The following ANO3 variants were observed in gnomAD, a reference collection of about 807,000 sequenced individuals.
The protein encoded by ANO3 is anoctamin-3.
Under a neutral mutation model 144.8 loss-of-function variants are expected in ANO3, and 99 were observed. The observed-to-expected ratio is 0.68, with a 90% confidence interval of 0.58 to 0.81. The LOEUF is 0.81. Among genes scored for constraint, ANO3 ranks in the 30% least tolerant of loss-of-function variants. The pLI, the probability that ANO3 is intolerant of heterozygous loss-of-function variation, is 0.00. For missense variants in ANO3, 905 were observed against 1,202.2 expected, an observed-to-expected ratio of 0.75 and a Z score of 3.66; for synonymous variants, 414 against 392.6, an observed-to-expected ratio of 1.05 and a Z score of -0.64.
intron 1 of ANO3, among the ~76,000 whole-genome samples, chr11:26,255,185 G>A (rs1262292480): frequency 2.6e-5 from 4 of 152,138 alleles, no homozygotes; most frequent in South Asian, 2.1e-4. Context: ...TACAATTAGA[G>A]TAAATGTGTT....
chr11:26,646,109 T>C (rs567226070), intron 23 of ANO3, among the ~76,000 whole-genome samples: 1 of 152,300 alleles, frequency 6.6e-6, no homozygotes, highest in Non-Finnish European at 1.5e-5. Flanking sequence ...CATTTATCCT[T>C]TGCCATTGTT....
At chr11:26,657,957 A>G (rs1033860598) in intron 26 of ANO3, among the ~76,000 whole-genome samples, 2 of 152,058 alleles carry the variant, frequency 1.3e-5, no homozygotes, top group African/African-American at 4.8e-5. Context: ...CCATGCAGGA[A>G]CTTTTTAGCT....
At chr11:26,315,196 T>C (rs979091078) in intron 1 of ANO3, among the ~76,000 whole-genome samples, 1 of 152,164 alleles carries the variant, frequency 6.6e-6, no homozygotes, top group African/African-American at 2.4e-5. Context: ...AATATCTGTG[T>C]ATTACCTATT....
At chr11:26,541,885 C>T (rs1590492354) in intron 10 of ANO3, 62 bp from the exon 11 acceptor site, 9 of 1,497,900 alleles carry the variant, frequency 6.0e-6, no homozygotes, top group Non-Finnish European at 8.2e-6. Flanking sequence ...AAATACAGTT[C>T]TTACTCAGTT....
rs1849664646 is a variant in ANO3, at chr11:26,542,198, C to T, written c.1154+130C>T. 6.1e-6 allele frequency: 6 copies of T among 990,266 alleles called. No homozygotes were observed. In the Admixed American group the frequency reaches 1.7e-4, roughly 28 times the overall value. The allele number at this position is 990,266 out of a possible 1,614,324, so 61.3% of individuals were successfully genotyped here. ...AAAAAGCAACCACTATAAGATTTTT[C>T]AGTAAAAGAATCTCACTGTAGGTAA... On this transcript the variant is annotated intron_variant, in intron 11 of 26. Coordinates refer to ENST00000256737, the MANE Select transcript of ANO3 (RefSeq NM_031418.4).
At chr11:26,286,611 A>T (rs1410621383) in intron 1 of ANO3, among the ~76,000 whole-genome samples, 3 of 152,196 alleles carry the variant, frequency 2.0e-5, no homozygotes, top group Admixed American at 6.5e-5. Context: ...ACAAGTTAAG[A>T]TTCAGTAGGT....
At chr11:26,250,939 C>T (rs1191152193) in intron 1 of ANO3, among the ~76,000 whole-genome samples, 1 of 152,146 alleles carries the variant, frequency 6.6e-6, no homozygotes, top group Non-Finnish European at 1.5e-5. Flanking sequence ...TATAGTTGGG[C>T]TAAATCATCT....
chr11:26,541,762 G>C (rs989757749), intron 10 of ANO3, among the ~76,000 whole-genome samples, 185 bp from the exon 11 acceptor site: 1 of 151,856 alleles, frequency 6.6e-6, no homozygotes, highest in East Asian at 1.9e-4. Context: ...AATAACTATC[G>C]GACTATTTTT....
At chr11:26,195,429 GAA>G (rs1237433840) in intron 1 of ANO3, among the ~76,000 whole-genome samples, 1 of 152,080 alleles carries the variant, frequency 6.6e-6, no homozygotes, top group Non-Finnish European at 1.5e-5. Context: ...AAAGGAGCCA[GAA>G]AAAAAGACTT....
At chr11:26,592,246 G>A (rs887715729) in intron 14 of ANO3, among the ~76,000 whole-genome samples, 4 of 152,074 alleles carry the variant, frequency 2.6e-5, no homozygotes, top group African/African-American at 7.2e-5. Flanking sequence ...CAGGCCATGC[G>A]AGGTGGGTTT....
At chr11:26,530,926 T>C (rs1406086649) in intron 7 of ANO3, among the ~76,000 whole-genome samples, 4 of 152,100 alleles carry the variant, frequency 2.6e-5, no homozygotes, top group Admixed American at 2.6e-4. Flanking sequence ...ACCATCTTTA[T>C]GTATCCTGTT....
At position 26,192,185 on chromosome 11, in the gene ANO3, T is replaced by C. The variant is rs374042208; in HGVS notation, c.154+2855T>C. On this transcript the variant is annotated intron_variant, in intron 1 of 27. Transcript: ENST00000672621. The stretch of plus-strand genomic sequence containing the variant: ...GATAGTAACAATATGGAATTTGTCA[T>C]TCATTTGAAACTTTATGGAACATTG... Among the ~76,000 whole-genome samples the C allele has an allele frequency of 5.9e-5, 9 of 152,332 alleles. No homozygotes were observed. The East Asian group carries it at 9.6e-4, about 16-fold the overall frequency.
chr11:26,492,994 A>G (rs1310945419), intron 4 of ANO3, among the ~76,000 whole-genome samples: 2 of 152,210 alleles, frequency 1.3e-5, no homozygotes, highest in Non-Finnish European at 2.9e-5. Flanking sequence ...AAAGATAAAG[A>G]CACAATTCTT....
intron 1 of ANO3, among the ~76,000 whole-genome samples, chr11:26,242,807 A>G (rs1852690160): frequency 6.6e-6 from 1 of 152,226 alleles, no homozygotes; most frequent in South Asian, 2.1e-4. Context: ...TTGAAGAGTA[A>G]ATACAAAGCC....
chr11:26,461,162 G>T (rs934163848), intron 3 of ANO3, among the ~76,000 whole-genome samples: 1 of 152,104 alleles, frequency 6.6e-6, no homozygotes, highest in African/African-American at 2.4e-5. Flanking sequence ...AGGAAAGGGG[G>T]AGAAAGGATT....
At chr11:26,245,550 A>AT (rs1319443495) in intron 1 of ANO3, among the ~76,000 whole-genome samples, 13 of 152,088 alleles carry the variant, frequency 8.5e-5, no homozygotes, top group African/African-American at 4.8e-5. Context: ...GAACTAATGG[A>AT]TTTTTTCCTT....
chr11:26,355,014 T>TTA (rs1248601881), intron 1 of ANO3, among the ~76,000 whole-genome samples: 2 of 151,554 alleles, frequency 1.3e-5, no homozygotes, highest in African/African-American at 4.9e-5. Context: ...TGTAACTCTT[T>TTA]TTTTTTTTCT....
chr11:26,216,101 AGATGGAAGGCTTT>A (rs1416293245), intron 1 of ANO3, among the ~76,000 whole-genome samples: 4 of 152,054 alleles, frequency 2.6e-5, no homozygotes, highest in Non-Finnish European at 5.9e-5. Flanking sequence ...TTTGTAATAA[AGATGGAAGGCTTT>A]GGTATAATAC....
intron 1 of ANO3, among the ~76,000 whole-genome samples, chr11:26,440,287 A>G (rs1858466150): frequency 1.3e-5 from 2 of 152,128 alleles, no homozygotes; most frequent in African/African-American, 4.8e-5. Context: ...GAACTACCTG[A>G]GACTGGATAA....
Sources: allele counts gnomAD v4.1 joint callset (sites outside exome capture counted in the v4.1 genomes callset), GRCh38; gene constraint gnomAD v4.1.1; transcripts MANE v1.5; gene names NCBI Gene and HGNC (gene_info 2026-07-23, HGNC 2026-07-21).